The following CEP85 variants were observed in gnomAD, a reference collection of about 807,000 sequenced individuals.
The protein encoded by CEP85 is centrosomal protein 85.
A neutral mutation model predicts 93.7 loss-of-function variants in CEP85; 58 were observed. The observed-to-expected ratio is 0.62, with a 90% CI of 0.50 to 0.77. The LOEUF (loss-of-function observed/expected upper bound fraction) is 0.77. Ranked by LOEUF, CEP85 falls within the 30% of genes least tolerant of loss-of-function variation. The probability of loss-of-function intolerance (pLI) is 0.00; values close to 1 mark genes in which losing one functional copy is unlikely to be tolerated. For missense variants in CEP85, 868 were observed against 922.0 expected (o/e 0.94, Z 0.76); for synonymous variants, 314 against 338.6 (o/e 0.93, Z 0.80).
At position 26,259,690 on chromosome 1, in the gene CEP85, T is replaced by C. The variant is rs1375236909; in HGVS notation, c.1229T>C (p.Ile410Thr). The change falls in exon 7 of 14, where the codon ATT (isoleucine) becomes ACT (threonine). Residue 410 changes from isoleucine to threonine, a missense_variant. Physicochemically the swap from Ile to Thr is moderately conservative, Grantham distance 89. Transcript: ENST00000451429. ...QKTEALSREK[I>T]DLEKKLSASE... The stretch of plus-strand genomic sequence containing the variant: ...ACAGAAGCCTTGAGCAGAGAAAAGA[T>C]TGACCTTGAAAAGAAACTCTCTGCT... 5.6e-6 allele frequency: 9 copies of C among 1,614,018 alleles called. No homozygotes were observed. Among genetic ancestry groups the C allele is most frequent in the Middle Eastern group, 1.6e-4 (1 of 6,084 alleles).
At chr1:26,264,662 A>G (rs1287784632) in intron 7 of CEP85, among the ~76,000 whole-genome samples, 1 of 152,204 alleles carries the variant, frequency 6.6e-6, no homozygotes, top group Non-Finnish European at 1.5e-5. Context: ...TCAAATGTCA[A>G]TCTCTGGATG....
At chr1:26,265,309 G>C (rs767332248) in intron 7 of CEP85, among the ~76,000 whole-genome samples, 28 of 151,728 alleles carry the variant, frequency 1.8e-4, no homozygotes, top group Non-Finnish European at 4.0e-4. Context: ...TATAGAGATA[G>C]AGTTTTACCA....
At chr1:26,235,371 G>C (rs2089309047) in intron 1 of CEP85, among the ~76,000 whole-genome samples, 1 of 152,114 alleles carries the variant, frequency 6.6e-6, no homozygotes, top group Non-Finnish European at 1.5e-5. Flanking sequence ...TCTTTGTAAA[G>C]GCAACTTCTT....
chr1:26,263,048 T>C (rs1167662877), intron 7 of CEP85: 1 of 156,266 alleles, frequency 6.4e-6, no homozygotes, highest in African/African-American at 2.4e-5. Context: ...TCACTGCTGC[T>C]GCTTTGTGGA....
chr1:26,268,565 G>A lies in CEP85; in HGVS notation c.1424G>A (p.Arg475His), dbSNP rs571259846. ...GAGCAGAACCGGGAGAAGCAGCAGC[G>A]TATTGAGACCTTGGAGCGCTACCTG... ...ESEQNREKQQRIETLERYLAD... is the reference protein window; with the variant it reads ...ESEQNREKQQHIETLERYLAD... The change falls in exon 8 of 14, where the codon CGT becomes CAT. Residue 475 changes from arginine to histidine, a missense_variant. Transcript: ENST00000451429. 59 of 1,614,098 alleles carry A rather than the reference G, an allele frequency of 3.7e-5. No homozygotes were observed. Among genetic ancestry groups the A allele is most frequent in the African/African-American group, 1.2e-4 (9 of 75,038 alleles).
At position 26,253,499 on chromosome 1, in the gene CEP85, C is replaced by T. The variant is rs182696010; in HGVS notation, c.209-1672C>T. On this transcript the variant is annotated intron_variant, in intron 3 of 13. Coordinates refer to ENST00000451429, the MANE Select transcript of CEP85 (RefSeq NM_001319944.2). ...CCACCTCCTGGGTTCAAGCGATCCTCCTGCCTCAGCCTCCCGAATAGCTGG... is the reference window on the plus strand; with the variant it reads ...CCACCTCCTGGGTTCAAGCGATCCTTCTGCCTCAGCCTCCCGAATAGCTGG... 2.6e-5 allele frequency among the ~76,000 whole-genome samples: 4 copies of T among 151,742 alleles called. No homozygotes were observed. In the East Asian group the frequency reaches 5.9e-4, roughly 22 times the overall value.
At chr1:26,249,135 G>A (rs896740797) in intron 3 of CEP85, among the ~76,000 whole-genome samples, 2 of 152,218 alleles carry the variant, frequency 1.3e-5, no homozygotes, top group Non-Finnish European at 1.5e-5. Flanking sequence ...AGGCTGGAGT[G>A]CAGTGGCATG....
At chr1:26,271,135 G>T in intron 10 of CEP85, 28 bp downstream of exon 10, 1 of 1,378,804 alleles carries the variant, frequency 7.3e-7, no homozygotes, top group Non-Finnish European at 1.0e-6. Context: ...GGCTGTAACG[G>T]AGGGTAGGCT....
chr1:26,275,138 C>T (rs2090035302), intron 12 of CEP85, 67 bp downstream of exon 12: 1 of 1,163,318 alleles, frequency 8.6e-7, no homozygotes, highest in East Asian at 2.6e-5. Flanking sequence ...TTGCCCTCCC[C>T]ATCTCTACCC....
rs556461167 is a variant in CEP85 at position 26,255,221 on chromosome 1, G to A, written c.259G>A (p.Val87Ile). 3.3e-4 allele frequency: 539 copies of A among 1,614,120 alleles called. 6 individuals are homozygous for A. In the South Asian group the frequency reaches 5.6e-3, roughly 17 times the overall value. The change falls in exon 4 of 14, where the codon GTA (valine) becomes ATA (isoleucine). Residue 87 changes from valine to isoleucine, a missense_variant. Physicochemically the swap from Val to Ile is conservative, Grantham distance 29. Coordinates refer to ENST00000451429, the MANE Select transcript of CEP85 (RefSeq NM_001319944.2). ...TCCTTTCCAGCCCATCAAAAGCCAC[G>A]TAACCATTCCAACAGCCCATGTGAT... is the stretch of plus-strand genomic sequence containing the variant. ...SPPFQPIKSHVTIPTAHVMPS... is the reference protein window; with the variant it reads ...SPPFQPIKSHITIPTAHVMPS...
intron 2 of CEP85, among the ~76,000 whole-genome samples, chr1:26,243,351 A>T (rs575148393): frequency 2.6e-5 from 4 of 152,128 alleles, no homozygotes; most frequent in Admixed American, 6.5e-5. Flanking sequence ...GTGAGTGGGA[A>T]CCAGGGATGC....
Position 26,277,289 on chromosome 1 carries a change from A to G in CEP85, c.2282A>G (p.Gln761Arg). The G allele has an allele frequency of 1.2e-6, 2 of 1,610,034 alleles. No homozygotes were observed. The highest frequency in any genetic ancestry group is 1.7e-6 in the Non-Finnish European group (2 of 1,176,466). ...AQDMGENCVT[Q>R] ...GACATGGGAGAAAACTGTGTCACAC[A>G]GTGAGGAATTCTGGGGGATTCCCCC... The change falls in exon 14 of 14, where the codon CAG (glutamine) becomes CGG (arginine). Residue 761 changes from glutamine to arginine, a missense_variant. By Grantham distance (43) the Gln-to-Arg change is conservative. Transcript: ENST00000451429.
In CEP85 at chr1:26,269,646, A is replaced by G. The variant is rs779929255; in HGVS notation, c.1649+32A>G. Reference sequence around the variant, plus strand: ...AACCCTGTGGGACTGAGAGGAGTGGAGAGTTAAGTTTTTTGTCATAGCCAT... The same window carrying G: ...AACCCTGTGGGACTGAGAGGAGTGGGGAGTTAAGTTTTTTGTCATAGCCAT... On this transcript the variant is annotated intron_variant, in intron 9 of 13. Coordinates refer to ENST00000451429, the MANE Select transcript of CEP85 (RefSeq NM_001319944.2). 4 of 1,585,910 alleles carry G rather than the reference A, an allele frequency of 2.5e-6. No individual in the cohort carries two copies. The African/African-American group carries it at 5.4e-5, about 21-fold the overall frequency.
rs2124616052 is a variant in CEP85 at position 26,275,082 on chromosome 1, T to C, written c.1902+11T>C. The C allele has an allele frequency of 6.4e-7, 1 of 1,555,450 alleles. No homozygotes were observed. ...ACAGCCGTGAAGGAGGTGAGCAACA[T>C]TAGTCAGACCTCTTGGTTTTGCCTC... On this transcript the variant is annotated intron_variant, in intron 12 of 13. Transcript: ENST00000451429.
rs745627893 is a variant in CEP85, at chr1:26,269,566, T to C, written c.1601T>C (p.Leu534Pro). The C allele has an allele frequency of 1.1e-5, 18 of 1,613,916 alleles. No homozygotes were observed. Among genetic ancestry groups the C allele is most frequent in the Non-Finnish European group, 1.2e-5 (14 of 1,179,972 alleles). ...ATCTGCAGAGAGAAGGAGATTCAAC[T>C]GGAAAGCCTGAGGCAGAGAGAAGCA... is the stretch of plus-strand genomic sequence containing the variant. ...QAICREKEIQ[L>P]ESLRQREAEF... Residue 534 changes from leucine (L) to proline (P), a missense_variant, in exon 9 of 14, where the codon CTG becomes CCG. Coordinates refer to ENST00000451429, the MANE Select transcript of CEP85 (RefSeq NM_001319944.2).
chr1:26,258,250 T>G lies in CEP85; in HGVS notation c.1145T>G (p.Leu382Arg), dbSNP rs773418615. 6 of 1,611,370 alleles carry G rather than the reference T, an allele frequency of 3.7e-6. No individual in the cohort carries two copies. The highest frequency in any genetic ancestry group is 1.7e-4 in the Middle Eastern group (1 of 6,056). Residue 382 changes from leucine (L) to arginine (R), a missense_variant, in exon 6 of 14, where the codon CTG (leucine) becomes CGG (arginine). Transcript: ENST00000451429. Reference protein sequence around the residue: ...RPAPFGDVCLLRLQELQRENT... With the variant: ...RPAPFGDVCLRRLQELQRENT... Reference sequence around the variant, plus strand: ...GCCCCCTTTGGTGATGTCTGCTTGCTGAGGCTACAGGTAAGTATTGGCCAT... The same window carrying G: ...GCCCCCTTTGGTGATGTCTGCTTGCGGAGGCTACAGGTAAGTATTGGCCAT...
At chr1:26,237,535 T>C (rs934247182) in intron 1 of CEP85, among the ~76,000 whole-genome samples, 1 of 152,254 alleles carries the variant, frequency 6.6e-6, no homozygotes, top group Non-Finnish European at 1.5e-5. Context: ...CTTCCTTTTA[T>C]TGCTGAATAA....
intron 4 of CEP85, among the ~76,000 whole-genome samples, chr1:26,256,818 C>T (rs1570003756): frequency 6.6e-6 from 1 of 151,584 alleles, no homozygotes; most frequent in Admixed American, 6.6e-5. Context: ...CGCCTAGTCT[C>T]GAACTCCTGA....
chr1:26,254,877 A>T, intron 3 of CEP85: 1 of 365,414 alleles, frequency 2.7e-6, no homozygotes, highest in Admixed American at 4.1e-5. Flanking sequence ...AAAACTTTTT[A>T]AAAGTTTTTC....
Sources: gnomAD v4.1 joint callset for allele counts (sites outside exome capture counted in the v4.1 genomes callset) on GRCh38, gnomAD v4.1.1 for gene constraint, MANE v1.5 for transcripts, NCBI Gene and HGNC (gene_info 2026-07-23, HGNC 2026-07-21) for gene names.